Variants in CCBE1 observed in about 807,000 individuals in gnomAD.
CCBE1 encodes the protein collagen and calcium binding EGF domains 1, also known as collagen and calcium-binding EGF domain-containing protein 1.
A neutral mutation model predicts 50.0 loss-of-function variants in CCBE1; 37 were observed. That is an observed-to-expected ratio of 0.74 (90% confidence interval 0.57 to 0.97). The LOEUF (loss-of-function observed/expected upper bound fraction) is 0.97, where lower values mean the gene tolerates loss of function less well. CCBE1 is among the 50% of genes least tolerant of loss of function. The pLI, the probability that CCBE1 is intolerant of heterozygous loss-of-function variation, is 0.00. For synonymous variants in CCBE1, 234 were observed against 203.7 expected, an observed-to-expected ratio of 1.15 and a Z score of -1.27; for missense variants, 538 against 523.8, an observed-to-expected ratio of 1.03 and a Z score of -0.26.
rs565434547 is a variant in CCBE1 at position 59,596,545 on chromosome 18, A to G, written c.212+100084T>C. Among the ~76,000 whole-genome samples, 23 of 152,342 alleles carry G rather than the reference A, an allele frequency of 1.5e-4. No individual in the cohort carries two copies. In the South Asian group the frequency reaches 4.1e-3, roughly 27 times the overall value. ...GCTATGATATACGGCGGAGGAAAAA[A>G]GCTGTTAAGCAGCAAATAACTTCAG... On this transcript the variant is annotated intron_variant, in intron 2 of 10. Transcript: ENST00000439986.
chr18:59,692,002 A>T (rs2054739479), intron 2 of CCBE1, among the ~76,000 whole-genome samples: 1 of 152,212 alleles, frequency 6.6e-6, no homozygotes, highest in Non-Finnish European at 1.5e-5. Flanking sequence ...GTAGCTTGTT[A>T]GTCAGGGAGG....
At chr18:59,488,956 A>G (rs1912960885) in intron 2 of CCBE1, among the ~76,000 whole-genome samples, 1 of 152,064 alleles carries the variant, frequency 6.6e-6, no homozygotes, top group African/African-American at 2.4e-5. Context: ...CTATAGTCTA[A>G]CTCCCACAGG....
At chr18:59,615,196 G>A (rs1447344594) in intron 2 of CCBE1, among the ~76,000 whole-genome samples, 5 of 152,202 alleles carry the variant, frequency 3.3e-5, no homozygotes, top group African/African-American at 1.2e-4. Flanking sequence ...GAAGTGACCA[G>A]GGGAAAACAC....
At chr18:59,680,965 A>G (rs1040796048) in intron 2 of CCBE1, among the ~76,000 whole-genome samples, 1 of 152,028 alleles carries the variant, frequency 6.6e-6, no homozygotes, top group Non-Finnish European at 1.5e-5. Context: ...AAATATGGAA[A>G]GGATGTTAAT....
chr18:59,462,484 C>T (rs1273902639), intron 5 of CCBE1: 1 of 152,112 alleles, frequency 6.6e-6, no homozygotes, highest in East Asian at 1.9e-4. Context: ...CTCCTGAGTT[C>T]AAGTGATCCT....
chr18:59,454,774 G>T, intron 6 of CCBE1, 77 bp downstream of exon 6: 1 of 1,199,552 alleles, frequency 8.3e-7, no homozygotes, highest in Non-Finnish European at 1.2e-6. Flanking sequence ...TTTCTTATTT[G>T]TAAATATCCT....
intron 2 of CCBE1, among the ~76,000 whole-genome samples, chr18:59,686,528 G>T (rs555391627): frequency 6.6e-6 from 1 of 152,322 alleles, no homozygotes; most frequent in South Asian, 2.1e-4. Flanking sequence ...TTCTGACAGT[G>T]AGTCCTCACA....
At chr18:59,652,042 G>T (rs1449926741) in intron 2 of CCBE1, among the ~76,000 whole-genome samples, 2 of 151,784 alleles carry the variant, frequency 1.3e-5, no homozygotes, top group East Asian at 1.9e-4. Context: ...ACCCTTCCCA[G>T]TCTCTTATTT....
chr18:59,521,237 C>G (rs573483510), intron 2 of CCBE1, among the ~76,000 whole-genome samples: 1 of 152,178 alleles, frequency 6.6e-6, no homozygotes, highest in Admixed American at 6.5e-5. Context: ...GCATTACACC[C>G]ATAAAAATCC....
intron 2 of CCBE1, among the ~76,000 whole-genome samples, chr18:59,544,349 CT>C (rs1389242923): frequency 6.8e-6 from 1 of 146,838 alleles, no homozygotes. Context: ...TTGCTGTAGG[CT>C]TTTTATTAAG....
chr18:59,594,433 T>G (rs1192495037), intron 2 of CCBE1, among the ~76,000 whole-genome samples: 3 of 151,868 alleles, frequency 2.0e-5, no homozygotes, highest in Non-Finnish European at 4.4e-5. Flanking sequence ...GGGTACAGAG[T>G]TTCCGTTGGG....
rs58009919 is a variant in CCBE1, at chr18:59,514,332, G to A, written c.213-34094C>T. ...CTGCCATGCCTGGACTCTTGGTAGC[G>A]CCCCTGACACGGCTCCTCCATCCGC... On this transcript the variant is annotated intron_variant, in intron 2 of 10. Transcript: ENST00000439986. Among the ~76,000 whole-genome samples, 778 of 151,978 alleles carry A rather than the reference G, an allele frequency of 5.1e-3. 3 individuals are homozygous for A. Among genetic ancestry groups the A allele is most frequent in the African/African-American group, 0.016 (665 of 41,428 alleles).
chr18:59,440,844 A>G (rs568084395), intron 7 of CCBE1, among the ~76,000 whole-genome samples: 5 of 152,306 alleles, frequency 3.3e-5, no homozygotes, highest in South Asian at 4.1e-4. Flanking sequence ...CAACTCTAGC[A>G]TGGAGTAAGT....
At chr18:59,491,835 C>CAAACA (rs71177029) in intron 2 of CCBE1, among the ~76,000 whole-genome samples, 128 of 148,744 alleles carry the variant, frequency 8.6e-4, no homozygotes, top group African/African-American at 2.6e-3. Context: ...AACAAACAAA[C>CAAACA]AAAAAAAAAC....
intron 2 of CCBE1, among the ~76,000 whole-genome samples, chr18:59,566,361 TGCTTAATAG>T (rs1190714951): frequency 2.0e-5 from 3 of 152,216 alleles, no homozygotes; most frequent in Non-Finnish European, 4.4e-5. Context: ...GGAGCAGGCT[TGCTTAATAG>T]GCTCATATGC....
chr18:59,594,450 C>A (rs2053320644), intron 2 of CCBE1, among the ~76,000 whole-genome samples: 1 of 152,148 alleles, frequency 6.6e-6, no homozygotes, highest in Non-Finnish European at 1.5e-5. Flanking sequence ...TGGGGAAACT[C>A]AAAGTGTACT....
intron 2 of CCBE1, among the ~76,000 whole-genome samples, chr18:59,615,289 G>C (rs1366148480): frequency 2.0e-5 from 3 of 152,206 alleles, no homozygotes; most frequent in Non-Finnish European, 4.4e-5. Context: ...GATCTGCAAG[G>C]CTGTTCAAAG....
rs558928440 is a variant in CCBE1 at position 59,656,323 on chromosome 18, G to A, written c.212+40306C>T. Reference sequence around the variant, plus strand: ...ATATTTTGTACTATACATAAATAGAGCAGAAATTTTAATCACCCTATAAAA... The same window carrying A: ...ATATTTTGTACTATACATAAATAGAACAGAAATTTTAATCACCCTATAAAA... On this transcript the variant is annotated intron_variant, in intron 2 of 10. Transcript: ENST00000439986. Among the ~76,000 whole-genome samples, 10 of 152,274 alleles carry A rather than the reference G, an allele frequency of 6.6e-5. No individual in the cohort carries two copies. The East Asian group carries it at 1.3e-3, about 21-fold the overall frequency.
At chr18:59,518,776 T>C (rs975173010) in intron 2 of CCBE1, among the ~76,000 whole-genome samples, 1 of 152,196 alleles carries the variant, frequency 6.6e-6, no homozygotes, top group Non-Finnish European at 1.5e-5. Flanking sequence ...TCTGCATCAC[T>C]TTGCCTGAAG....
Sources: gnomAD v4.1 joint callset for allele counts (sites outside exome capture counted in the v4.1 genomes callset) on GRCh38, gnomAD v4.1.1 for gene constraint, MANE v1.5 for transcripts, NCBI Gene and HGNC (gene_info 2026-07-23, HGNC 2026-07-21) for gene names.